ATP9B: variants seen among roughly 807,000 people sequenced by gnomAD.
ATP9B encodes the protein ATPase phospholipid transporting 9B, also known as probable phospholipid-transporting ATPase IIB.
In ATP9B, 110 loss-of-function variants were observed where a neutral mutation model predicts 146.1. The ratio of observed to expected loss-of-function variants is 0.75; its 90% CI spans 0.65 to 0.88. ATP9B has a LOEUF of 0.88. Among genes scored for constraint, ATP9B ranks in the 40% least tolerant of loss-of-function variants. ATP9B has a pLI of 0.00. For synonymous variants in ATP9B, 604 were observed against 569.7 expected (o/e 1.06, Z -0.86); for missense variants, 1,499 against 1,496.4 (o/e 1.00, Z -0.03).
At chr18:79,223,728 C>T (rs1267263650) in intron 11 of ATP9B, among the ~76,000 whole-genome samples, 2 of 152,158 alleles carry the variant, frequency 1.3e-5, no homozygotes, top group Admixed American at 1.3e-4. Context: ...ATGACAGCTG[C>T]TCACAATTAG....
At chr18:79,343,339 TTTTAA>T (rs1167508783) in intron 20 of ATP9B, among the ~76,000 whole-genome samples, 2 of 152,232 alleles carry the variant, frequency 1.3e-5, no homozygotes, top group Non-Finnish European at 2.9e-5. Flanking sequence ...CACATGAAGC[TTTTAA>T]TTTATTTCAG....
intron 25 of ATP9B, among the ~76,000 whole-genome samples, chr18:79,351,648 T>A (rs772367396): frequency 6.6e-6 from 1 of 152,190 alleles, no homozygotes; most frequent in Non-Finnish European, 1.5e-5. Flanking sequence ...TCCACAAATA[T>A]GGTTTTCATC....
At chr18:79,336,332 G>A (rs546514988) in intron 17 of ATP9B, among the ~76,000 whole-genome samples, 11 of 152,396 alleles carry the variant, frequency 7.2e-5, no homozygotes, top group Admixed American at 3.3e-4. Flanking sequence ...GTAAAAAGAA[G>A]CTCTGCTAGG....
At chr18:79,324,051 A>AT (rs1016532022) in intron 15 of ATP9B, among the ~76,000 whole-genome samples, 3 of 152,168 alleles carry the variant, frequency 2.0e-5, no homozygotes, top group African/African-American at 7.2e-5. Context: ...ATTAAAGGAT[A>AT]TTGAGCATGC....
intron 9 of ATP9B, chr18:79,194,637 G>A (rs1215709790): frequency 6.6e-6 from 1 of 152,204 alleles, no homozygotes; most frequent in Non-Finnish European, 1.5e-5. Context: ...ATTCCCTTAA[G>A]ATAATGGTGG....
chr18:79,361,795 G>A (rs2096990733), intron 26 of ATP9B: 1 of 985,378 alleles, frequency 1.0e-6, no homozygotes. Flanking sequence ...GATCGGGGCA[G>A]CTGGAGACTG....
At chr18:79,276,511 G>A (rs2096310980) in intron 12 of ATP9B, among the ~76,000 whole-genome samples, 1 of 152,224 alleles carries the variant, frequency 6.6e-6, no homozygotes, top group Non-Finnish European at 1.5e-5. Context: ...GGTAAAACAA[G>A]TGGATAAACC....
intron 11 of ATP9B, among the ~76,000 whole-genome samples, chr18:79,240,470 G>A (rs1039067345): frequency 5.9e-5 from 9 of 152,236 alleles, no homozygotes; most frequent in East Asian, 5.8e-4. Context: ...AGTTCTGGCC[G>A]GACACAGGCT....
intron 25 of ATP9B, among the ~76,000 whole-genome samples, chr18:79,350,504 G>T (rs1386129465): frequency 6.6e-6 from 1 of 152,222 alleles, no homozygotes; most frequent in Non-Finnish European, 1.5e-5. Context: ...GGACAGCACT[G>T]TGCGTCCATG....
intron 5 of ATP9B, among the ~76,000 whole-genome samples, chr18:79,140,247 G>A (rs1379132032): frequency 6.6e-6 from 1 of 152,144 alleles, no homozygotes; most frequent in East Asian, 1.9e-4. Context: ...AAGCCTGGCA[G>A]CTAACTTAGG....
Position 79,110,369 on chromosome 18 carries a change from T to C in ATP9B, c.308T>C (p.Leu103Pro), listed in dbSNP as rs767574500. 4 of 1,604,110 alleles carry C rather than the reference T, an allele frequency of 2.5e-6. No individual in the cohort carries two copies. Among genetic ancestry groups the C allele is most frequent in the Non-Finnish European group, 3.4e-6 (4 of 1,175,002 alleles). ...GTTTCATACAGTTGCTGTGGTTGGC[T>C]GATAAATATTTGTCGAAGAAAGAAA... The part of the protein sequence containing the change: ...KFLCTSCCGW[L>P]INICRRKKEL... Residue 103 changes from leucine to proline, a missense_variant, in exon 3 of 30, where the codon CTG becomes CCG. Leu to Pro is a moderately conservative substitution (Grantham distance 98, BLOSUM62 -3). Coordinates refer to ENST00000426216, the MANE Select transcript of ATP9B (RefSeq NM_198531.5).
intron 6 of ATP9B, among the ~76,000 whole-genome samples, chr18:79,149,862 C>T (rs1253073664): frequency 6.6e-6 from 1 of 152,034 alleles, no homozygotes; most frequent in Non-Finnish European, 1.5e-5. Context: ...GGGGACGGAT[C>T]ACAAGGTCAA....
At chr18:79,336,533 G>T in intron 17 of ATP9B, 95 bp from the exon 18 acceptor site, 1 of 1,131,906 alleles carries the variant, frequency 8.8e-7, no homozygotes, top group South Asian at 1.3e-5. Context: ...ATGAGGGCAG[G>T]GCACCAGCAA....
At chr18:79,375,306 T>A (rs145430632) in intron 28 of ATP9B, 88 bp from the exon 29 acceptor site, 1 of 1,218,238 alleles carries the variant, frequency 8.2e-7, no homozygotes, top group Non-Finnish European at 1.2e-6. Context: ...CTTTTTAATG[T>A]ATTTCTTATT....
chr18:79,137,487 CATGGG>C (rs979533539), intron 5 of ATP9B, among the ~76,000 whole-genome samples: 7 of 152,106 alleles, frequency 4.6e-5, no homozygotes, highest in African/African-American at 1.7e-4. Flanking sequence ...GGGCATGCTC[CATGGG>C]GTTGGTTATT....
chr18:79,206,739 A>C (rs933209080), intron 9 of ATP9B, among the ~76,000 whole-genome samples, 198 bp from the exon 10 acceptor site: 2 of 152,246 alleles, frequency 1.3e-5, no homozygotes, highest in South Asian at 4.1e-4. Context: ...CAAGCAATTA[A>C]TTGATTACAG....
chr18:79,285,960 A>C (rs200201138), intron 13 of ATP9B, among the ~76,000 whole-genome samples: 130,296 of 145,806 alleles, frequency 0.89, 58,351 homozygotes, highest in East Asian at 1. Flanking sequence ...GGGCTCTGTT[A>C]TGTTCCATTG....
rs144203209 is a variant in ATP9B, at chr18:79,312,101, C to T, written c.1773+4867C>T. Among the ~76,000 whole-genome samples the T allele has an allele frequency of 2.4e-3, 362 of 152,200 alleles. 1 individual carries two copies. The highest frequency in any genetic ancestry group is 6.0e-3 in the South Asian group (29 of 4,796). ...GCGTTGAGACCGGTCTGCTCACGCG[C>T]CTTCGCCGAGGTGCCTTCACAAAGG... On this transcript the variant is annotated intron_variant, in intron 15 of 29. Coordinates refer to ENST00000426216, the MANE Select transcript of ATP9B (RefSeq NM_198531.5).
In ATP9B at chr18:79,378,004, A is replaced by G. The variant is rs2097110699; in HGVS notation, c.*621A>G. 1 of 152,650 alleles carries G rather than the reference A, an allele frequency of 6.6e-6. No individual in the cohort carries two copies. 9.5% of individuals were successfully genotyped at this position (152,650 alleles called of 1,614,324 possible). A position where few individuals can be genotyped will look rare whatever the true frequency, so the allele number is the denominator to read the frequency against. ...CCGAATTATTTCACTATTACTGTAAAGGGTTCATCTTACTCTGGCATTCTG... is the reference window on the plus strand; with the variant it reads ...CCGAATTATTTCACTATTACTGTAAGGGGTTCATCTTACTCTGGCATTCTG... On this transcript the variant is annotated 3_prime_UTR_variant, in exon 30 of 30. Transcript: ENST00000426216.
Sources: allele counts gnomAD v4.1 joint callset (sites outside exome capture counted in the v4.1 genomes callset), GRCh38; gene constraint gnomAD v4.1.1; transcripts MANE v1.5; gene names NCBI Gene and HGNC (gene_info 2026-07-23, HGNC 2026-07-21).